The following RALB variants were observed in gnomAD, a reference collection of about 807,000 sequenced individuals.
The protein encoded by RALB is ras-related protein Ral-B.
RALB carries 16 observed loss-of-function variants against 21.3 expected under a neutral mutation model. The observed-to-expected ratio is 0.75, with a 90% CI of 0.51 to 1.14. RALB has a LOEUF of 1.14. Among genes scored for constraint, RALB ranks in the 50% most tolerant of loss-of-function variants. The pLI is 0.00. For synonymous variants in RALB, 93 were observed against 96.1 expected, an observed-to-expected ratio of 0.97 and a Z score of 0.19; for missense variants, 161 against 256.2, an observed-to-expected ratio of 0.63 and a Z score of 2.54.
In RALB at chr2:120,294,449, C is replaced by G. The variant is rs922307174; in HGVS notation, c.*1189C>G. On this transcript the variant is annotated 3_prime_UTR_variant, in exon 5 of 5. Transcript: ENST00000272519. ...CTTTAAACTTTCTTGCATCAGTATT[C>G]TAAATTGAGCAAACTGAAAGATTTT... The G allele has an allele frequency of 2.5e-6, 1 of 394,586 alleles. No individual in the cohort carries two copies. The highest frequency in any genetic ancestry group is 2.1e-5 in the African/African-American group (1 of 48,650). The allele number at this position is 394,586 out of a possible 1,614,324, so 24.4% of individuals were successfully genotyped here.
chr2:120,280,958 G>A (rs1207101855), intron 2 of RALB: 1 of 398,598 alleles, frequency 2.5e-6, no homozygotes, highest in Non-Finnish European at 4.8e-6. Context: ...GCTGGATTTT[G>A]TGATGTCAGT....
chr2:120,256,924 A>G (rs1190256361), intron 1 of RALB, among the ~76,000 whole-genome samples: 1 of 152,240 alleles, frequency 6.6e-6, no homozygotes, highest in Admixed American at 6.5e-5. Flanking sequence ...TGTTTACTGA[A>G]GTATACTGTA....
chr2:120,242,957 C>A (rs976490636), intron 1 of RALB, among the ~76,000 whole-genome samples: 1 of 152,146 alleles, frequency 6.6e-6, no homozygotes, highest in African/African-American at 2.4e-5. Flanking sequence ...TGGACGCGGA[C>A]TAACTGGCTT....
chr2:120,252,729 T>G (rs1689083124), upstream of RALB: 2 of 963,742 alleles, frequency 2.1e-6, no homozygotes, highest in Non-Finnish European at 2.5e-6. Flanking sequence ...AAAATCAGCC[T>G]CGGATTGGCT....
intron 1 of RALB, among the ~76,000 whole-genome samples, chr2:120,240,462 T>TTTTTGTA (rs1688876040): frequency 6.6e-6 from 1 of 151,960 alleles, no homozygotes; most frequent in Admixed American, 6.6e-5. Context: ...TTTTTTTTCT[T>TTTTTGTA]TTTTGTATTT....
At chr2:120,272,718 C>T (rs568732490) in intron 1 of RALB, among the ~76,000 whole-genome samples, 6 of 152,020 alleles carry the variant, frequency 3.9e-5, no homozygotes, top group Non-Finnish European at 8.8e-5. Context: ...GCTCTTTCTC[C>T]TCCTGTCTTT....
intron 3 of RALB, among the ~76,000 whole-genome samples, chr2:120,288,445 A>C (rs1275516348): frequency 1.4e-5 from 2 of 142,084 alleles, no homozygotes; most frequent in Non-Finnish European, 3.0e-5. Flanking sequence ...TCAGGCTCCC[A>C]GAGTGCTGGC....
chr2:120,287,523 G>A (rs1690194886), intron 3 of RALB, among the ~76,000 whole-genome samples: 1 of 152,206 alleles, frequency 6.6e-6, no homozygotes, highest in African/African-American at 2.4e-5. Flanking sequence ...CAGGACAGAT[G>A]CACACACTCT....
chr2:120,289,672 C>T lies in RALB; in HGVS notation c.416C>T (p.Pro139Leu). Residue 139 changes from proline (P) to leucine (L), a missense_variant, in exon 4 of 5, where the codon CCT (proline) becomes CTT (leucine). By Grantham distance (98) the Pro-to-Leu change is moderately conservative. Transcript: ENST00000272519. ...KSDLEERRQV[P>L]VEEARSKAEE... ...GACCTAGAGGAGCGGAGGCAGGTGC[C>T]TGTGGAGGAGGCCAGGAGTAAAGCC... 6.2e-7 allele frequency: 1 copy of T among 1,614,150 alleles called. No homozygotes were observed. Among genetic ancestry groups the T allele is most frequent in the African/African-American group, 1.3e-5 (1 of 75,026 alleles).
chr2:120,257,448 T>G (rs913977142), intron 1 of RALB, among the ~76,000 whole-genome samples: 2 of 152,172 alleles, frequency 1.3e-5, no homozygotes, highest in African/African-American at 4.8e-5. Context: ...TTCTGGATCC[T>G]GAGCCTGAGC....
chr2:120,240,287 A>ATT (rs1433107492), intron 1 of RALB, among the ~76,000 whole-genome samples: 1 of 133,864 alleles, frequency 7.5e-6, no homozygotes, highest in African/African-American at 3.1e-5. Context: ...TTTTATTTTT[A>ATT]TTTTTATTTT....
intron 1 of RALB, among the ~76,000 whole-genome samples, chr2:120,266,590 A>G (rs1655414681): frequency 6.6e-6 from 1 of 152,158 alleles, no homozygotes; most frequent in South Asian, 2.1e-4. Context: ...GTGTGCCTGT[A>G]GTCCCAGTTA....
In RALB at chr2:120,294,177, A is replaced by G; in HGVS notation, c.*917A>G. 2 of 398,574 alleles carry G rather than the reference A, an allele frequency of 5.0e-6. No individual in the cohort carries two copies. Among genetic ancestry groups the G allele is most frequent in the Non-Finnish European group, 8.8e-6 (2 of 226,064 alleles). The allele number at this position is 398,574 out of a possible 1,614,324, so 24.7% of individuals were successfully genotyped here. A position where few individuals can be genotyped will look rare whatever the true frequency, so the allele number is the denominator to read the frequency against. On this transcript the variant is annotated 3_prime_UTR_variant, in exon 5 of 5. Coordinates refer to ENST00000272519, the MANE Select transcript of RALB (RefSeq NM_002881.3). ...ACGGAGGTCTAGTGAGCCTCTTGCT[A>G]AGTGTCACACACACTCTTCCCAAAG... is the stretch of plus-strand genomic sequence containing the variant.
intron 4 of RALB, among the ~76,000 whole-genome samples, 175 bp downstream of exon 4, chr2:120,289,932 C>T (rs1402095090): frequency 6.6e-6 from 1 of 152,150 alleles, no homozygotes; most frequent in Non-Finnish European, 1.5e-5. Flanking sequence ...AGGATGTCAC[C>T]TTGTATTTCA....
chr2:120,243,976 T>C (rs1178111540), intron 1 of RALB, among the ~76,000 whole-genome samples: 6 of 152,092 alleles, frequency 3.9e-5, no homozygotes, highest in Non-Finnish European at 5.9e-5. Flanking sequence ...TTTAATTGAC[T>C]CGCAGTTCCA....
Position 120,252,883 on chromosome 2 carries a change from G to C in RALB, c.-145G>C, listed in dbSNP as rs944465756. The C allele has an allele frequency of 1.0e-6, 1 of 985,428 alleles. No homozygotes were observed. The highest frequency in any genetic ancestry group is 1.7e-5 in the African/African-American group (1 of 57,248). The allele number at this position is 985,428 out of a possible 1,614,324, so 61.0% of individuals were successfully genotyped here. On this transcript the variant is annotated 5_prime_UTR_variant, in exon 1 of 5. Coordinates refer to ENST00000272519, the MANE Select transcript of RALB (RefSeq NM_002881.3). ...GAGCCCGGCAGCTCAATGACAAATCGGTGGAGGACGGCTGGGGTCCGGCCC... is the reference window on the plus strand; with the variant it reads ...GAGCCCGGCAGCTCAATGACAAATCCGTGGAGGACGGCTGGGGTCCGGCCC...
upstream of RALB, among the ~76,000 whole-genome samples, chr2:120,251,724 C>G: frequency 6.6e-6 from 1 of 152,200 alleles, no homozygotes; most frequent in Non-Finnish European, 1.5e-5. Flanking sequence ...ACGATTAGCA[C>G]TCAATAAAAG....
Position 120,263,227 on chromosome 2 carries a change from G to A in RALB, c.-48+10247G>A, listed in dbSNP as rs907962050. Among the ~76,000 whole-genome samples, 9 of 152,150 alleles carry A rather than the reference G, an allele frequency of 5.9e-5. No homozygotes were observed. The East Asian group carries it at 9.7e-4, about 16-fold the overall frequency. ...ACTGTCGCCCAGGCTGGAGTGCAGCGGTGAGATCACAGCTCACTGGAGCCT... is the reference window on the plus strand; with the variant it reads ...ACTGTCGCCCAGGCTGGAGTGCAGCAGTGAGATCACAGCTCACTGGAGCCT... On this transcript the variant is annotated intron_variant, in intron 1 of 4. Coordinates refer to ENST00000272519, the MANE Select transcript of RALB (RefSeq NM_002881.3).
chr2:120,289,700 A>G lies in RALB; in HGVS notation c.444A>G (p.Glu148=), dbSNP rs1430418553. Residue 148 remains glutamate (E), a synonymous_variant, in exon 4 of 5, where the codon GAA becomes GAG. Coordinates refer to ENST00000272519, the MANE Select transcript of RALB (RefSeq NM_002881.3). ...TGGAGGAGGCCAGGAGTAAAGCCGA[A>G]GAGTGGGGCGTGCAGTACGTGGAGA... ...VPVEEARSKA[E]EWGVQYVETS... The G allele has an allele frequency of 1.1e-5, 17 of 1,614,200 alleles. No homozygotes were observed. Among genetic ancestry groups the G allele is most frequent in the Non-Finnish European group, 1.4e-5 (17 of 1,180,032 alleles).
Sources: gnomAD v4.1 joint callset for allele counts (sites outside exome capture counted in the v4.1 genomes callset) on GRCh38, gnomAD v4.1.1 for gene constraint, MANE v1.5 for transcripts, NCBI Gene and HGNC (gene_info 2026-07-23, HGNC 2026-07-21) for gene names.